ACSL1: variants seen among roughly 807,000 people sequenced by gnomAD.
ACSL1 encodes the protein long-chain-fatty-acid--CoA ligase 1.
Under a neutral mutation model 98.4 loss-of-function variants are expected in ACSL1, and 41 were observed. That is an observed-to-expected ratio of 0.42 (90% CI 0.32 to 0.54). The LOEUF is 0.54. ACSL1 is among the 20% of genes least tolerant of loss of function. The pLI is 0.13. For missense variants in ACSL1, 734 were observed against 883.1 expected (o/e 0.83, Z 2.14); for synonymous variants, 316 against 322.7 (o/e 0.98, Z 0.22).
chr4:184,818,849 T>A (rs1249979977), intron 1 of ACSL1, among the ~76,000 whole-genome samples: 1 of 152,136 alleles, frequency 6.6e-6, no homozygotes, highest in East Asian at 1.9e-4. Context: ...CACAGGCCAG[T>A]GCACCAAAAC....
rs188733128 is a variant in ACSL1 at position 184,771,600 on chromosome 4, G to A, written c.916-1124C>T. On this transcript the variant is annotated intron_variant, in intron 10 of 20. Coordinates refer to ENST00000281455, the MANE Select transcript of ACSL1 (RefSeq NM_001995.5). Reference sequence around the variant, plus strand: ...TTCCCTCAGAATGGGCCTTACTTAGGGCAGGCACAGTGAGGGTTTGTATAG... The same window carrying A: ...TTCCCTCAGAATGGGCCTTACTTAGAGCAGGCACAGTGAGGGTTTGTATAG... 2.4e-3 allele frequency among the ~76,000 whole-genome samples: 360 copies of A among 152,216 alleles called. 1 individual carries two copies. The highest frequency in any genetic ancestry group is 8.4e-3 in the African/African-American group (347 of 41,548).
intron 15 of ACSL1, among the ~76,000 whole-genome samples, 192 bp downstream of exon 15, chr4:184,764,661 C>CAA (rs1763314798): frequency 6.6e-6 from 1 of 152,178 alleles, no homozygotes; most frequent in South Asian, 2.1e-4. Context: ...CGCCACCCCT[C>CAA]AGTTGCAGGA....
chr4:184,794,388 T>C (rs1300129077), intron 2 of ACSL1, among the ~76,000 whole-genome samples: 1 of 152,198 alleles, frequency 6.6e-6, no homozygotes, highest in Admixed American at 6.5e-5. Flanking sequence ...AATTCCCAGA[T>C]TCCCCCCAAT....
rs1766010516 is a variant in ACSL1, at chr4:184,780,227, C to CG, written c.477+104_477+105insC. ...TTCTAAGGTGTAACGTAAAGCTATA[C>CG]TTTTAGTAGAAATCAGACTACAAAA... is the stretch of plus-strand genomic sequence containing the variant. On this transcript the variant is annotated intron_variant, in intron 5 of 20. Coordinates refer to ENST00000281455, the MANE Select transcript of ACSL1 (RefSeq NM_001995.5). 1.5e-5 allele frequency: 15 copies of CG among 984,426 alleles called. No homozygotes were observed. The South Asian group carries it at 1.9e-4, about 12-fold the overall frequency. The allele number at this position is 984,426 out of a possible 1,614,324, so 61.0% of individuals were successfully genotyped here.
In ACSL1 at chr4:184,757,015, G is replaced by A. The variant is rs1270814605; in HGVS notation, c.*110C>T. On this transcript the variant is annotated 3_prime_UTR_variant, in exon 21 of 21. Coordinates refer to ENST00000281455, the MANE Select transcript of ACSL1 (RefSeq NM_001995.5). This position sits in a 1 kb window ranked among gnomAD's most constrained non-coding sequence, Gnocchi z 4.5. ...AACCCCGAATGGACAAGTCAAACACGAACGCTTCCTTCCCTACACTTGCTG... is the reference window on the plus strand; with the variant it reads ...AACCCCGAATGGACAAGTCAAACACAAACGCTTCCTTCCCTACACTTGCTG... 9.0e-6 allele frequency: 12 copies of A among 1,340,358 alleles called. No individual in the cohort carries two copies. The highest frequency in any genetic ancestry group is 4.7e-5 in the East Asian group (2 of 42,282). 83.0% of individuals were successfully genotyped at this position (1,340,358 alleles called of 1,614,324 possible).
rs549916725 is a variant in ACSL1 at position 184,764,854 on chromosome 4, T to G, written c.1431A>C (p.Ala477=). 5 of 1,613,452 alleles carry G rather than the reference T, an allele frequency of 3.1e-6. No individual in the cohort carries two copies. The South Asian group carries it at 4.4e-5, about 14-fold the overall frequency. Residue 477 remains alanine (A), a splice_region_variant and synonymous_variant, in exon 15 of 21, where the codon GCA becomes GCC. Coordinates refer to ENST00000281455, the MANE Select transcript of ACSL1 (RefSeq NM_001995.5). ...CCLTMPGDWT[A]GHVGAPMPCN... ...AAAAGGAGCCTCCTACAGCCATACC[T>G]GCGGTCCAGTCTCCAGGCATGGTCA... is the stretch of plus-strand genomic sequence containing the variant.
chr4:184,786,444 A>G (rs1006143290), intron 3 of ACSL1, among the ~76,000 whole-genome samples: 4 of 148,012 alleles, frequency 2.7e-5, no homozygotes, highest in Non-Finnish European at 6.1e-5. Context: ...ACACACACAC[A>G]CACACACACA....
chr4:184,811,409 G>GTCATGCGTCT (rs1772104994), intron 1 of ACSL1, among the ~76,000 whole-genome samples: 2 of 152,256 alleles, frequency 1.3e-5, no homozygotes, highest in Admixed American at 6.5e-5. Flanking sequence ...ACCGCGCCCA[G>GTCATGCGTCT]CTGCACAATG....
chr4:184,810,853 A>G (rs1267781738), intron 1 of ACSL1, among the ~76,000 whole-genome samples: 1 of 152,174 alleles, frequency 6.6e-6, no homozygotes, highest in African/African-American at 2.4e-5. Flanking sequence ...GACTGCGCAC[A>G]GGGCTAAATG....
chr4:184,777,056 A>T, intron 5 of ACSL1, 73 bp from the exon 6 acceptor site: 1 of 1,341,294 alleles, frequency 7.5e-7, no homozygotes, highest in East Asian at 2.4e-5. Flanking sequence ...ACAATACTCA[A>T]GAGAGATTCA....
In ACSL1 at chr4:184,825,504, G is replaced by A. The variant is rs1254922767; in HGVS notation, c.-33+412C>T. 6.6e-6 allele frequency among the ~76,000 whole-genome samples: 1 copy of A among 151,854 alleles called. No homozygotes were observed. The highest frequency in any genetic ancestry group is 1.5e-5 in the Non-Finnish European group (1 of 67,910). On this transcript the variant is annotated intron_variant, in intron 1 of 20. Coordinates refer to ENST00000281455, the MANE Select transcript of ACSL1 (RefSeq NM_001995.5). This position sits in a 1 kb window ranked among gnomAD's most constrained non-coding sequence, Gnocchi z 4.7. ...CCGCGAGCCCGGCCTCTGGGCAGGC[G>A]GGGGCCGCGGACGAGGGCAACGTCA...
At chr4:184,774,431 T>C (rs1479680256) in intron 7 of ACSL1, among the ~76,000 whole-genome samples, 1 of 152,070 alleles carries the variant, frequency 6.6e-6, no homozygotes, top group Non-Finnish European at 1.5e-5. Flanking sequence ...AGAGTGGAGA[T>C]AGGATTTGGG....
chr4:184,788,502 G>A lies in ACSL1; in HGVS notation c.310+115C>T, dbSNP rs537671867. On this transcript the variant is annotated intron_variant, in intron 3 of 20. Coordinates refer to ENST00000281455, the MANE Select transcript of ACSL1 (RefSeq NM_001995.5). ...GGAAAGTTACAGTGGACACAGAGGGGCCTGAGCGATCCTAAGGAGGCGAAA... is the reference window on the plus strand; with the variant it reads ...GGAAAGTTACAGTGGACACAGAGGGACCTGAGCGATCCTAAGGAGGCGAAA... 201 of 809,810 alleles carry A rather than the reference G, an allele frequency of 2.5e-4. No homozygotes were observed. In the African/African-American group the frequency reaches 3.0e-3, roughly 12 times the overall value. The allele number at this position is 809,810 out of a possible 1,614,324, so 50.2% of individuals were successfully genotyped here. A position where few individuals can be genotyped will look rare whatever the true frequency, so the allele number is the denominator to read the frequency against.
chr4:184,776,902 T>A lies in ACSL1; in HGVS notation c.559A>T (p.Thr187Ser). Residue 187 changes from threonine to serine, a missense_variant, in exon 6 of 21, where the codon ACG (threonine) becomes TCG (serine). By Grantham distance (58) the Thr-to-Ser change is moderately conservative. Coordinates refer to ENST00000281455, the MANE Select transcript of ACSL1 (RefSeq NM_001995.5). The part of the protein sequence containing the change: ...LYDTLGNEAI[T>S]YIVNKAELSL... ...GACGTACCTTTGTTGACTATGTACG[T>A]GATGGCTTCATTTCCAAGGGTATCA... 6.2e-7 allele frequency: 1 copy of A among 1,614,198 alleles called. No homozygotes were observed. The highest frequency in any genetic ancestry group is 1.1e-5 in the South Asian group (1 of 91,086).
Position 184,757,823 on chromosome 4 carries a change from T to C in ACSL1, c.1880A>G (p.Asn627Ser). 6.2e-7 allele frequency: 1 copy of C among 1,614,146 alleles called. No individual in the cohort carries two copies. The highest frequency in any genetic ancestry group is 8.5e-7 in the Non-Finnish European group (1 of 1,179,978). Residue 627 changes from asparagine (N) to serine (S), a missense_variant, in exon 19 of 21, where the codon AAT becomes AGT. Physicochemically the swap from Asn to Ser is conservative, Grantham distance 46. Transcript: ENST00000281455. The surrounding 1 kb of genome is among the most constrained non-coding windows in gnomAD (Gnocchi z 4.5). ...CTGGACCCTTCAGAACCTTACCTTA[T>C]TTCTGCACAGTTCCTCAAACGACCC... ...FEGSFEELCRNKDVKKAILED... is the reference protein window; with the variant it reads ...FEGSFEELCRSKDVKKAILED...
At chr4:184,813,034 A>G (rs930057525) in intron 1 of ACSL1, among the ~76,000 whole-genome samples, 1 of 152,052 alleles carries the variant, frequency 6.6e-6, no homozygotes, top group African/African-American at 2.4e-5. Context: ...CAGAGCAAAC[A>G]AAACAAAACA....
intron 1 of ACSL1, among the ~76,000 whole-genome samples, chr4:184,811,410 C>G (rs1772105389): frequency 6.6e-6 from 1 of 152,082 alleles, no homozygotes; most frequent in Non-Finnish European, 1.5e-5. Context: ...CCGCGCCCAG[C>G]TGCACAATGC....
At chr4:184,817,707 A>G (rs1302175520) in intron 1 of ACSL1, among the ~76,000 whole-genome samples, 1 of 152,184 alleles carries the variant, frequency 6.6e-6, no homozygotes. Flanking sequence ...AGGAAAAGAC[A>G]CTCAGCATCA....
At chr4:184,790,415 T>G (rs1398700104) in intron 2 of ACSL1, among the ~76,000 whole-genome samples, 1 of 152,250 alleles carries the variant, frequency 6.6e-6, no homozygotes, top group Non-Finnish European at 1.5e-5. Flanking sequence ...ATATCTACTG[T>G]GTGCTACATG....
Sources: allele counts gnomAD v4.1 joint callset (sites outside exome capture counted in the v4.1 genomes callset), GRCh38; gene constraint gnomAD v4.1.1; non-coding constraint Gnocchi (gnomAD v3.1); transcripts MANE v1.5; gene names NCBI Gene and HGNC (gene_info 2026-07-23, HGNC 2026-07-21).